The following IFTAP variants were observed in gnomAD, a reference collection of about 807,000 sequenced individuals.
IFTAP encodes the protein intraflagellar transport-associated protein.
A neutral mutation model predicts 19.4 loss-of-function variants in IFTAP; 19 were observed. That is an observed-to-expected ratio of 0.98 (90% CI 0.68 to 1.44). IFTAP has a LOEUF of 1.44. Ranked by LOEUF, IFTAP falls within the 40% of genes most tolerant of loss-of-function variation. The probability of loss-of-function intolerance (pLI) is 0.00; values close to 1 mark genes in which losing one functional copy is unlikely to be tolerated. For missense variants in IFTAP, 240 were observed against 253.6 expected (o/e 0.95, Z 0.36); for synonymous variants, 85 against 83.5 (o/e 1.02, Z -0.10).
chr11:36,640,509 G>A (rs1419593839), intron 4 of IFTAP, among the ~76,000 whole-genome samples: 3 of 152,180 alleles, frequency 2.0e-5, no homozygotes, highest in Non-Finnish European at 4.4e-5. Context: ...GGGTGATTGA[G>A]TGGTGTGCTG....
intron 5 of IFTAP, among the ~76,000 whole-genome samples, chr11:36,652,407 C>A (rs1853778575): frequency 6.6e-6 from 1 of 152,156 alleles, no homozygotes; most frequent in South Asian, 2.1e-4. Context: ...GATTTTGTAT[C>A]CTGAGACTTT....
chr11:36,644,329 C>T lies in IFTAP; in HGVS notation c.359-3687C>T, dbSNP rs111383582. 3.1e-3 allele frequency among the ~76,000 whole-genome samples: 470 copies of T among 152,170 alleles called. 2 individuals carry two copies. Among genetic ancestry groups the T allele is most frequent in the Non-Finnish European group, 5.0e-3 (343 of 67,980 alleles). ...ATCTCACACCAGTTAGAATGGTGAT[C>T]ATTAAAAAGTCAGGAAACAACAGGT... On this transcript the variant is annotated intron_variant, in intron 4 of 5. Coordinates refer to ENST00000334307, the MANE Select transcript of IFTAP (RefSeq NM_138787.4).
intron 2 of IFTAP, among the ~76,000 whole-genome samples, chr11:36,624,017 C>A (rs773324230): frequency 7.6e-4 from 115 of 151,396 alleles, no homozygotes; most frequent in Non-Finnish European, 1.2e-3. Flanking sequence ...TTTTTTCCTC[C>A]TTCTTCATTA....
intron 3 of IFTAP, among the ~76,000 whole-genome samples, chr11:36,634,307 A>T (rs1320632197): frequency 6.6e-6 from 1 of 152,128 alleles, no homozygotes; most frequent in Non-Finnish European, 1.5e-5. Flanking sequence ...TGATTTGTTC[A>T]TCAGAGGTTC....
intron 2 of IFTAP, among the ~76,000 whole-genome samples, chr11:36,611,187 A>G (rs1469851414): frequency 6.6e-6 from 1 of 152,042 alleles, no homozygotes; most frequent in African/African-American, 2.4e-5. Flanking sequence ...TAGGCATTTG[A>G]GTTGTTATCT....
Position 36,610,254 on chromosome 11 carries a change from T to A in IFTAP, c.136+15T>A. 2 of 1,587,212 alleles carry A rather than the reference T, an allele frequency of 1.3e-6. No individual in the cohort carries two copies. The highest frequency in any genetic ancestry group is 1.7e-6 in the Non-Finnish European group (2 of 1,162,492). ...TCTTTCACAAGGTAAAATGGAGAAG[T>A]AAACTTTCTGCAGCAATGGAGATAA... On this transcript the variant is annotated intron_variant, in intron 2 of 5. Coordinates refer to ENST00000334307, the MANE Select transcript of IFTAP (RefSeq NM_138787.4).
In IFTAP at chr11:36,659,104, C is replaced by T; in HGVS notation, c.584C>T (p.Ala195Val). The change falls in exon 6 of 6, where the codon GCA becomes GTA. Residue 195 changes from alanine to valine, a missense_variant. By Grantham distance (64) the Ala-to-Val change is moderately conservative. Coordinates refer to ENST00000334307, the MANE Select transcript of IFTAP (RefSeq NM_138787.4). ...ATGCTAACCTCCAAGTTTAGTCCTG[C>T]AGAGATAGAGAACATCAAAGAGCTA... ...NVMLTSKFSP[A>V]EIENIKELCK... The T allele has an allele frequency of 6.2e-7, 1 of 1,610,104 alleles. No individual in the cohort carries two copies.
At chr11:36,657,538 C>T (rs1262947108) in intron 5 of IFTAP, among the ~76,000 whole-genome samples, 1 of 152,132 alleles carries the variant, frequency 6.6e-6, no homozygotes, top group African/African-American at 2.4e-5. Context: ...GTCTTCTCTC[C>T]AAAGGCTGTG....
At chr11:36,618,947 G>A (rs181926893) in intron 2 of IFTAP, among the ~76,000 whole-genome samples, 2 of 151,854 alleles carry the variant, frequency 1.3e-5, no homozygotes, top group Non-Finnish European at 2.9e-5. Flanking sequence ...CCTAGGAGAC[G>A]CTGCCAGTGA....
intron 2 of IFTAP, among the ~76,000 whole-genome samples, chr11:36,627,267 G>A (rs1395871465): frequency 6.6e-6 from 1 of 151,054 alleles, no homozygotes; most frequent in Non-Finnish European, 1.5e-5. Flanking sequence ...TGGTGATGGT[G>A]GTACAACTTT....
intron 5 of IFTAP, among the ~76,000 whole-genome samples, chr11:36,652,194 G>A (rs983034055): frequency 1.1e-4 from 17 of 152,090 alleles, no homozygotes; most frequent in Non-Finnish European, 2.1e-4. Context: ...ACATGGAATG[G>A]TCTTCCATTT....
chr11:36,610,099 T>C lies in IFTAP; in HGVS notation c.-5T>C. 2.5e-6 allele frequency: 4 copies of C among 1,612,510 alleles called. No individual in the cohort carries two copies. The highest frequency in any genetic ancestry group is 3.4e-6 in the Non-Finnish European group (4 of 1,178,908). ...CTTGCAGATACTGTGGCCTCATGAA[T>C]AGGAATGTCTGCCCATATGTCAGGA... On this transcript the variant is annotated 5_prime_UTR_variant, in exon 2 of 6. Coordinates refer to ENST00000334307, the MANE Select transcript of IFTAP (RefSeq NM_138787.4).
intron 5 of IFTAP, among the ~76,000 whole-genome samples, chr11:36,654,512 T>G (rs1853890358): frequency 6.6e-6 from 1 of 152,090 alleles, no homozygotes. Flanking sequence ...CCGACTCCTT[T>G]GGGTTTTCTC....
At chr11:36,632,786 C>G (rs7937683) in intron 2 of IFTAP, among the ~76,000 whole-genome samples, 1 of 150,906 alleles carries the variant, frequency 6.6e-6, no homozygotes, top group African/African-American at 2.5e-5. Flanking sequence ...ATGATTCCTT[C>G]TGGATTTTTA....
chr11:36,612,593 T>A (rs1851915589), intron 2 of IFTAP, among the ~76,000 whole-genome samples: 1 of 152,078 alleles, frequency 6.6e-6, no homozygotes, highest in African/African-American at 2.4e-5. Flanking sequence ...TTTGTCTCAA[T>A]GTGTTTAGTT....
chr11:36,596,176 T>C (rs1851222108), intron 1 of IFTAP, among the ~76,000 whole-genome samples: 1 of 151,878 alleles, frequency 6.6e-6, no homozygotes. Flanking sequence ...CCTTGGACTA[T>C]TTAGAATCTC....
intron 3 of IFTAP, among the ~76,000 whole-genome samples, chr11:36,634,511 G>A (rs1469596713): frequency 1.3e-5 from 2 of 152,070 alleles, no homozygotes; most frequent in South Asian, 2.1e-4. Flanking sequence ...TAACAAAAAC[G>A]GGAAGGGGAG....
chr11:36,630,970 T>C (rs1852703157), intron 2 of IFTAP, among the ~76,000 whole-genome samples: 1 of 151,470 alleles, frequency 6.6e-6, no homozygotes, highest in South Asian at 2.1e-4. Context: ...TGCTCTACTC[T>C]GCTACCAATG....
At chr11:36,629,724 T>A (rs1366196968) in intron 2 of IFTAP, among the ~76,000 whole-genome samples, 1 of 151,320 alleles carries the variant, frequency 6.6e-6, no homozygotes, top group African/African-American at 2.5e-5. Flanking sequence ...TTTTCTTTGG[T>A]CTGAAATTAG....
Sources: gnomAD v4.1 joint callset for allele counts (sites outside exome capture counted in the v4.1 genomes callset) on GRCh38, gnomAD v4.1.1 for gene constraint, MANE v1.5 for transcripts, NCBI Gene and HGNC (gene_info 2026-07-23, HGNC 2026-07-21) for gene names.